Variants in RIIAD1 observed in about 807,000 individuals in gnomAD.
The protein encoded by RIIAD1 is regulatory subunit of type II PKA R-subunit domain containing 1, also known as RIIa domain-containing protein 1.
A neutral mutation model predicts 13.3 loss-of-function variants in RIIAD1; 15 were observed. The ratio of observed to expected loss-of-function variants is 1.13; its 90% CI spans 0.76 to 1.74. The LOEUF (loss-of-function observed/expected upper bound fraction) is 1.74. Ranked by LOEUF, RIIAD1 falls within the 40% of genes most tolerant of loss-of-function variation. The probability of loss-of-function intolerance (pLI) is 0.00; values close to 1 mark genes in which losing one functional copy is unlikely to be tolerated. For missense variants in RIIAD1, 121 were observed against 112.2 expected (o/e 1.08, Z -0.35); for synonymous variants, 50 against 43.3 (o/e 1.16, Z -0.61).
chr1:151,713,608 G>A (rs1375037811), intron 3 of RIIAD1: 1 of 152,170 alleles, frequency 6.6e-6, no homozygotes, highest in African/African-American at 2.4e-5. Context: ...AGGGATACGT[G>A]TGCCCAAACC....
At chr1:151,713,534 T>G (rs1437276865) in exon 3 of RIIAD1, 1 of 152,184 alleles carries the variant, frequency 6.6e-6, no homozygotes. Flanking sequence ...TGTTGATTTG[T>G]GAGGGGCCTC....
At chr1:151,726,314 C>T (rs76042532) in intron 2 of RIIAD1, among the ~76,000 whole-genome samples, 2,369 of 152,318 alleles carry the variant, frequency 0.016, 70 homozygotes, top group African/African-American at 0.054. Flanking sequence ...TGGAAACTAA[C>T]CTCTTCCTTT....
intron 3 of RIIAD1, 111 bp downstream of exon 3, chr1:151,727,732 T>C: frequency 2.7e-6 from 2 of 734,320 alleles, no homozygotes; most frequent in Non-Finnish European, 4.7e-6. Flanking sequence ...GGGGTACTCC[T>C]TCACCTGATG....
intron 3 of RIIAD1, chr1:151,713,709 T>TG (rs1673216982): frequency 6.5e-6 from 1 of 153,812 alleles, no homozygotes; most frequent in Non-Finnish European, 1.4e-5. Flanking sequence ...TGCATGGCCC[T>TG]TAACTCTGGC....
intron 4 of RIIAD1, chr1:151,716,283 G>C: frequency 2.2e-6 from 1 of 446,526 alleles, no homozygotes; most frequent in South Asian, 4.0e-5. Flanking sequence ...CTCCCTCCCA[G>C]AGATCTGGCA....
Position 151,722,098 on chromosome 1 carries a change from A to C in RIIAD1, c.97A>C (p.Ile33Leu), listed in dbSNP as rs923027035. 6.4e-6 allele frequency: 10 copies of C among 1,550,782 alleles called. No homozygotes were observed. The highest frequency in any genetic ancestry group is 7.9e-6 in the Non-Finnish European group (9 of 1,146,354). ...TCTTGCCCCCCAGATTCAGACTCGG[A>C]TTGCTAACGAAAAGTACCTAAGGAC... is the stretch of plus-strand genomic sequence containing the variant. ...QLRKFKIQTR[I>L]ANEKYLRTHK... is the part of the protein sequence containing the mutation. Residue 33 changes from isoleucine to leucine, a missense_variant, in exon 2 of 5, where the codon ATT becomes CTT. Ile to Leu is a conservative substitution (Grantham distance 5, BLOSUM62 2). Transcript: ENST00000479191.
upstream of RIIAD1, among the ~76,000 whole-genome samples, chr1:151,717,014 T>C (rs1356088256): frequency 6.6e-6 from 1 of 152,094 alleles, no homozygotes; most frequent in Non-Finnish European, 1.5e-5. Flanking sequence ...TTCCCCCATC[T>C]TACTCCCCAG....
upstream of RIIAD1, chr1:151,716,543 A>T: frequency 3.0e-6 from 1 of 330,446 alleles, no homozygotes; most frequent in East Asian, 8.4e-5. Flanking sequence ...CTGGGAGGAC[A>T]CCTCCCCTGT....
chr1:151,715,846 G>A lies in RIIAD1; in HGVS notation c.21+1317G>A, dbSNP rs780023510. The A allele has an allele frequency of 5.5e-5, 79 of 1,423,708 alleles. No homozygotes were observed. In the East Asian group the frequency reaches 1.8e-3, roughly 33 times the overall value. The allele number at this position is 1,423,708 out of a possible 1,614,324, so 88.2% of individuals were successfully genotyped here. A position where few individuals can be genotyped will look rare whatever the true frequency, so the allele number is the denominator to read the frequency against. Reference sequence around the variant, plus strand: ...TTCCCCCAGCCTCCCAGCCCACCCCGAAGCCTCTTCAGCCTGCCCGACCCC... The same window carrying A: ...TTCCCCCAGCCTCCCAGCCCACCCCAAAGCCTCTTCAGCCTGCCCGACCCC... On this transcript the variant is annotated intron_variant, in intron 4 of 8. Coordinates refer to the RIIAD1 transcript ENST00000326413.
chr1:151,714,514 C>T (rs1011790031), exon 4 of RIIAD1: 55 of 988,318 alleles, frequency 5.6e-5, no homozygotes, highest in Non-Finnish European at 7.9e-5. Context: ...AAATTATGCT[C>T]AGTGTCAGGA....
upstream of RIIAD1, among the ~76,000 whole-genome samples, chr1:151,720,284 T>A (rs1189660056): frequency 1.3e-5 from 2 of 151,886 alleles, no homozygotes; most frequent in African/African-American, 4.8e-5. Context: ...GGAGGGAGTA[T>A]GGGGAGAAAA....
chr1:151,711,583 A>G (rs898362761), intron 1 of RIIAD1, among the ~76,000 whole-genome samples: 1 of 152,204 alleles, frequency 6.6e-6, no homozygotes, highest in African/African-American at 2.4e-5. Context: ...CAATCTCCTT[A>G]GGCATGTGTG....
At chr1:151,721,965 A>G (rs1376296592) in intron 1 of RIIAD1, 121 bp from the exon 2 acceptor site, 1 of 699,380 alleles carries the variant, frequency 1.4e-6, no homozygotes, top group African/African-American at 1.8e-5. Flanking sequence ...TAAACTTTCA[A>G]GCATCCTGGG....
At position 151,721,629 on chromosome 1, in the gene RIIAD1, G is replaced by A; in HGVS notation, c.84+9G>A. The A allele has an allele frequency of 1.6e-6, 2 of 1,275,352 alleles. No homozygotes were observed. Among genetic ancestry groups the A allele is most frequent in the Non-Finnish European group, 2.0e-6 (2 of 1,006,338 alleles). 79.0% of individuals were successfully genotyped at this position (1,275,352 alleles called of 1,614,324 possible). On this transcript the variant is annotated intron_variant, in intron 1 of 4. Transcript: ENST00000479191. ...AGCTGCGAAAATTCAAGGTGGGTGC[G>A]CCCGCGCCCCCATCCAGCGTCCACC... is the stretch of plus-strand genomic sequence containing the variant.
intron 4 of RIIAD1, chr1:151,714,551 TG>T: frequency 6.9e-7 from 1 of 1,443,896 alleles, no homozygotes; most frequent in Non-Finnish European, 9.5e-7. Context: ...GCCACTTCTA[TG>T]GCCCTTCTCA....
At chr1:151,716,332 A>G in intron 4 of RIIAD1, 1 of 351,680 alleles carries the variant, frequency 2.8e-6, no homozygotes, top group Admixed American at 4.2e-5. Flanking sequence ...CAAGACCTGG[A>G]GGGTTAGGTG....
intron 3 of RIIAD1, among the ~76,000 whole-genome samples, chr1:151,714,096 C>A (rs1401854866): frequency 1.3e-5 from 2 of 152,200 alleles, no homozygotes; most frequent in Non-Finnish European, 2.9e-5. Context: ...GGGACTCTTC[C>A]TGGGAGACAG....
chr1:151,729,758 G>A lies in RIIAD1; in HGVS notation c.*328G>A, dbSNP rs1304541687. 2.6e-5 allele frequency: 4 copies of A among 152,206 alleles called. No homozygotes were observed. The highest frequency in any genetic ancestry group is 2.6e-4 in the Admixed American group (4 of 15,280). 9.4% of individuals were successfully genotyped at this position (152,206 alleles called of 1,614,324 possible). Reference sequence around the variant, plus strand: ...CAGTGGGCTGTCGTGCCCACCCCCTGGGAAGAACACAGCTGATCACGGGGG... The same window carrying A: ...CAGTGGGCTGTCGTGCCCACCCCCTAGGAAGAACACAGCTGATCACGGGGG... On this transcript the variant is annotated 3_prime_UTR_variant, in exon 5 of 5. Coordinates refer to ENST00000479191, the MANE Select transcript of RIIAD1 (RefSeq NM_001144956.3).
intron 2 of RIIAD1, among the ~76,000 whole-genome samples, chr1:151,712,217 C>G (rs553143895): frequency 6.6e-6 from 1 of 152,324 alleles, no homozygotes; most frequent in Admixed American, 6.5e-5. Context: ...AGGTGACAAG[C>G]CCTCCCTCGG....
Sources: allele counts gnomAD v4.1 joint callset (sites outside exome capture counted in the v4.1 genomes callset), GRCh38; gene constraint gnomAD v4.1.1; transcripts MANE v1.5; gene names NCBI Gene and HGNC (gene_info 2026-07-23, HGNC 2026-07-21).